Variants in PEPD observed in about 807,000 individuals in gnomAD.
PEPD encodes xaa-Pro dipeptidase.
A neutral mutation model predicts 60.7 loss-of-function variants in PEPD; 53 were observed. The observed-to-expected ratio is 0.87, with a 90% CI of 0.70 to 1.10. The LOEUF is 1.10. Among genes scored for constraint, PEPD ranks in the 50% least tolerant of loss-of-function variants. The pLI is 0.00. For synonymous variants in PEPD, 267 were observed against 284.1 expected (o/e 0.94, Z 0.60); for missense variants, 711 against 711.9 (o/e 1.00, Z 0.01).
At chr19:33,467,349 T>C (rs1439037884) in intron 7 of PEPD, among the ~76,000 whole-genome samples, 2 of 124,008 alleles carry the variant, frequency 1.6e-5, no homozygotes, top group Admixed American at 9.8e-5. Context: ...GTTTTATGGC[T>C]TTTTTTTTTA....
chr19:33,496,234 G>T (rs3786914), intron 4 of PEPD, among the ~76,000 whole-genome samples: 1 of 152,074 alleles, frequency 6.6e-6, no homozygotes, highest in Non-Finnish European at 1.5e-5. Flanking sequence ...GGGAGGAGCA[G>T]GATAACAAAT....
At chr19:33,387,656 C>G (rs1391581886) in intron 14 of PEPD, 175 bp from the exon 15 acceptor site, 23 of 871,276 alleles carry the variant, frequency 2.6e-5, no homozygotes, top group Non-Finnish European at 4.2e-5. Flanking sequence ...CCTGCTCACC[C>G]TGTCTTTGCC....
intron 9 of PEPD, among the ~76,000 whole-genome samples, chr19:33,435,246 C>T (rs1304122631): frequency 4.0e-5 from 6 of 151,756 alleles, no homozygotes; most frequent in Non-Finnish European, 7.4e-5. Context: ...GCTGGGCCGG[C>T]GTCTGATCCC....
intron 8 of PEPD, among the ~76,000 whole-genome samples, chr19:33,463,767 G>T (rs1969971232): frequency 2.0e-5 from 3 of 152,226 alleles, no homozygotes; most frequent in African/African-American, 7.2e-5. Context: ...TGCATGATGG[G>T]CAGGTGCCCT....
At chr19:33,479,635 T>C (rs998015916) in intron 6 of PEPD, among the ~76,000 whole-genome samples, 8 of 152,236 alleles carry the variant, frequency 5.3e-5, no homozygotes, top group African/African-American at 1.9e-4. Flanking sequence ...TGTGTTCTCA[T>C]CATTTAGCTC....
intron 9 of PEPD, among the ~76,000 whole-genome samples, chr19:33,444,695 C>A (rs148535257): frequency 0.011 from 1,669 of 151,780 alleles, 25 homozygotes; most frequent in South Asian, 0.069. Flanking sequence ...CACTCACCCC[C>A]CAAAGCCAAG....
At chr19:33,399,551 G>A (rs1968440627) in intron 12 of PEPD, among the ~76,000 whole-genome samples, 1 of 152,036 alleles carries the variant, frequency 6.6e-6, no homozygotes, top group South Asian at 2.1e-4. Flanking sequence ...CCTCTGGTGG[G>A]GGCTCTGGAG....
rs542548977 is a variant in PEPD at position 33,420,155 on chromosome 19, G to A, written c.672-6512C>T. On this transcript the variant is annotated intron_variant, in intron 9 of 14. Coordinates refer to ENST00000244137, the MANE Select transcript of PEPD (RefSeq NM_000285.4). ...AACGTGCTTGATTAGGTTGAGTTTCGGAGTTCCTCGGATCAGTTACGGATA... is the reference window on the plus strand; with the variant it reads ...AACGTGCTTGATTAGGTTGAGTTTCAGAGTTCCTCGGATCAGTTACGGATA... Among the ~76,000 whole-genome samples, 71 of 152,132 alleles carry A rather than the reference G, an allele frequency of 4.7e-4. 1 individual carries two copies. The highest frequency in any genetic ancestry group is 7.9e-4 in the Non-Finnish European group (54 of 68,028).
chr19:33,448,436 CT>C (rs560026828), intron 9 of PEPD, among the ~76,000 whole-genome samples: 340 of 152,310 alleles, frequency 2.2e-3, no homozygotes, highest in African/African-American at 7.9e-3. Flanking sequence ...ACAGGAAAGG[CT>C]CCTTTAGAGT....
intron 1 of PEPD, among the ~76,000 whole-genome samples, chr19:33,518,716 G>A (rs1259277794): frequency 6.6e-6 from 1 of 152,100 alleles, no homozygotes; most frequent in East Asian, 1.9e-4. Context: ...CAATCACAGG[G>A]CAGCCACAGA....
intron 9 of PEPD, among the ~76,000 whole-genome samples, chr19:33,454,333 G>A (rs576687099): frequency 1.0e-3 from 156 of 152,326 alleles, no homozygotes; most frequent in African/African-American, 3.5e-3. Context: ...CAGGCGCAGT[G>A]GCTCACACCT....
chr19:33,467,354 T>G (rs1330819787), intron 7 of PEPD, among the ~76,000 whole-genome samples: 1 of 151,858 alleles, frequency 6.6e-6, no homozygotes, highest in East Asian at 1.9e-4. Flanking sequence ...ATGGCTTTTT[T>G]TTTTAACCTT....
At chr19:33,408,720 G>A (rs893771533) in intron 11 of PEPD, among the ~76,000 whole-genome samples, 15 of 152,208 alleles carry the variant, frequency 9.9e-5, no homozygotes, top group African/African-American at 2.4e-4. Flanking sequence ...TCTGGGAGGC[G>A]CTCGGCTTCG....
intron 9 of PEPD, among the ~76,000 whole-genome samples, chr19:33,426,594 T>C (rs998522528): frequency 7.2e-5 from 11 of 152,336 alleles, no homozygotes; most frequent in South Asian, 2.1e-4. Flanking sequence ...CCACATGGAC[T>C]CACAGCCACT....
chr19:33,511,005 G>A (rs940668379), intron 3 of PEPD, 23 bp downstream of exon 3: 2 of 1,606,138 alleles, frequency 1.2e-6, no homozygotes, highest in African/African-American at 2.7e-5. Flanking sequence ...TAGCCATGGT[G>A]CCCTGGCCAG....
chr19:33,510,101 C>T lies in PEPD; in HGVS notation c.329+927G>A, dbSNP rs370633216. 8.7e-4 allele frequency among the ~76,000 whole-genome samples: 132 copies of T among 152,340 alleles called. 1 individual carries two copies. Among genetic ancestry groups the T allele is most frequent in the African/African-American group, 3.0e-3 (123 of 41,574 alleles). On this transcript the variant is annotated intron_variant, in intron 3 of 14. Transcript: ENST00000244137. ...CGATGCCATGCAGGAGTGACGGCCT[C>T]GCAGGGCCAAACCCTCAGGCATTTT... is the stretch of plus-strand genomic sequence containing the variant.
At chr19:33,462,731 A>C (rs1005504970) in intron 9 of PEPD, among the ~76,000 whole-genome samples, 4 of 152,246 alleles carry the variant, frequency 2.6e-5, no homozygotes, top group African/African-American at 9.6e-5. Context: ...CAAATGGCAG[A>C]AACAAAGTCC....
intron 9 of PEPD, among the ~76,000 whole-genome samples, chr19:33,440,664 C>A (rs1287766963): frequency 6.6e-6 from 1 of 152,204 alleles, no homozygotes; most frequent in Non-Finnish European, 1.5e-5. Context: ...TCAACACTGT[C>A]AATCACTCCC....
At chr19:33,490,091 G>A (rs183279443) in intron 5 of PEPD, 34 bp from the exon 6 acceptor site, 321 of 1,504,360 alleles carry the variant, frequency 2.1e-4, no homozygotes, top group Admixed American at 9.6e-4. Flanking sequence ...GACACACGGG[G>A]CCGCATGGCG....
Sources: allele counts gnomAD v4.1 joint callset (sites outside exome capture counted in the v4.1 genomes callset), GRCh38; gene constraint gnomAD v4.1.1; transcripts MANE v1.5; gene names NCBI Gene and HGNC (gene_info 2026-07-23, HGNC 2026-07-21).